The following DDX21 variants were observed in gnomAD, a reference collection of about 807,000 sequenced individuals.
DDX21 encodes nucleolar RNA helicase 2.
A neutral mutation model predicts 90.0 loss-of-function variants in DDX21; 18 were observed. That is an observed-to-expected ratio of 0.20 (90% CI 0.14 to 0.30). The LOEUF is 0.30. DDX21 is among the 10% of genes least tolerant of loss of function. The pLI is 1.00. For missense variants in DDX21, 673 were observed against 944.5 expected (o/e 0.71, Z 3.77); for synonymous variants, 294 against 318.0 (o/e 0.92, Z 0.80).
intron 11 of DDX21, among the ~76,000 whole-genome samples, chr10:68,976,290 TA>T (rs1843099797): frequency 6.9e-6 from 1 of 145,432 alleles, no homozygotes; most frequent in Non-Finnish European, 1.5e-5. Context: ...AGGATGAGTG[TA>T]TTTTTTTTTT....
intron 4 of DDX21, among the ~76,000 whole-genome samples, chr10:68,964,458 G>A (rs71478872): frequency 1.3e-5 from 2 of 152,114 alleles, no homozygotes; most frequent in Non-Finnish European, 2.9e-5. Flanking sequence ...ACCTGTAGCA[G>A]TTCAAGCAAT....
rs1356892518 is a variant in DDX21 at position 68,967,105 on chromosome 10, C to G, written c.992C>G (p.Thr331Ser). 2 of 1,611,992 alleles carry G rather than the reference C, an allele frequency of 1.2e-6. No individual in the cohort carries two copies. The highest frequency in any genetic ancestry group is 2.2e-5 in the South Asian group (2 of 90,928). Residue 331 changes from threonine to serine, a missense_variant, in exon 6 of 15, where the codon ACC becomes AGC. Transcript: ENST00000354185. Reference sequence around the variant, plus strand: ...ATACAGAATGGCAAACTAGATCTCACCAAACTTAAGCATGTTGTCCTGGAT... The same window carrying G: ...ATACAGAATGGCAAACTAGATCTCAGCAAACTTAAGCATGTTGTCCTGGAT... ...DHIQNGKLDL[T>S]KLKHVVLDEV...
At position 68,973,624 on chromosome 10, in the gene DDX21, A is replaced by C. The variant is rs1375433778; in HGVS notation, c.1628A>C (p.His543Pro). 6.2e-7 allele frequency: 1 copy of C among 1,614,188 alleles called. No homozygotes were observed. Among genetic ancestry groups the C allele is most frequent in the African/African-American group, 1.3e-5 (1 of 75,060 alleles). ...GGGGTGTGCATCTGCTTTTATCAGC[A>C]CAAGGAAGAATATCAGTTAGTACAA... Reference protein sequence around the residue: ...RTGVCICFYQHKEEYQLVQVE... With the variant: ...RTGVCICFYQPKEEYQLVQVE... Residue 543 changes from histidine (H) to proline (P), a missense_variant, in exon 10 of 15, where the codon CAC becomes CCC. Around this residue, in one of 4 missense-constraint regions of DDX21, gnomAD observed 225 missense variants for 298.8 expected, o/e 0.75. Coordinates refer to ENST00000354185, the MANE Select transcript of DDX21 (RefSeq NM_004728.4).
intron 8 of DDX21, among the ~76,000 whole-genome samples, chr10:68,970,955 ATTTTTTTTTTTTTTTTT>A (rs56314802): frequency 2.8e-5 from 2 of 72,520 alleles, no homozygotes; most frequent in African/African-American, 9.9e-5. Flanking sequence ...GCCCAGCCTA[ATTTTTTTTTTTTTTTTT>A]TTTTTTTTTT....
chr10:68,967,422 C>T (rs1842954633), intron 6 of DDX21, among the ~76,000 whole-genome samples: 1 of 151,840 alleles, frequency 6.6e-6, no homozygotes, highest in Admixed American at 6.6e-5. Context: ...GACTGCCTCA[C>T]CCTCCCAAAG....
At chr10:68,974,585 T>C in intron 10 of DDX21, 85 bp from the exon 11 acceptor site, 1 of 1,044,130 alleles carries the variant, frequency 9.6e-7, no homozygotes, top group Non-Finnish European at 1.5e-6. Context: ...ACATTTGGCC[T>C]ATATTAAAAA....
intron 13 of DDX21, among the ~76,000 whole-genome samples, chr10:68,980,030 C>T (rs957003039): frequency 2.0e-5 from 3 of 152,062 alleles, no homozygotes; most frequent in Non-Finnish European, 4.4e-5. Context: ...CACCTGAGGT[C>T]GGGAGTTTGA....
At chr10:68,970,444 T>G in intron 8 of DDX21, 94 bp downstream of exon 8, 1 of 1,249,740 alleles carries the variant, frequency 8.0e-7, no homozygotes, top group Non-Finnish European at 1.1e-6. Flanking sequence ...ATTCATTCAG[T>G]GAATACCAGT....
At chr10:68,960,502 C>T (rs940024062) in intron 2 of DDX21, among the ~76,000 whole-genome samples, 1 of 152,052 alleles carries the variant, frequency 6.6e-6, no homozygotes, top group African/African-American at 2.4e-5. Context: ...CGCTCTGTCA[C>T]CTAGGCTGGA....
In DDX21 at chr10:68,963,340, T is replaced by C; in HGVS notation, c.657T>C (p.His219=). The change falls in exon 4 of 15, where the codon CAT becomes CAC. Residue 219 remains histidine (H), a synonymous_variant. Coordinates refer to ENST00000354185, the MANE Select transcript of DDX21 (RefSeq NM_004728.4). ...LFPIQAKTFH[H]VYSGKDLIAQ... ...CTATACAAGCAAAGACATTCCATCA[T>C]GTTTACAGCGGGAAGGACTTAATTG... is the stretch of plus-strand genomic sequence containing the variant. 1 of 1,614,132 alleles carries C rather than the reference T, an allele frequency of 6.2e-7. No individual in the cohort carries two copies. Among genetic ancestry groups the C allele is most frequent in the East Asian group, 2.2e-5 (1 of 44,888 alleles).
intron 11 of DDX21, among the ~76,000 whole-genome samples, chr10:68,977,246 A>C (rs1374443728): frequency 1.3e-5 from 2 of 152,194 alleles, no homozygotes; most frequent in Non-Finnish European, 2.9e-5. Flanking sequence ...GCACATTTTA[A>C]AATTGTTTGT....
At chr10:68,966,930 T>A in intron 5 of DDX21, 88 bp from the exon 6 acceptor site, 1 of 1,081,274 alleles carries the variant, frequency 9.2e-7, no homozygotes, top group African/African-American at 1.6e-5. Flanking sequence ...ACAAATATTT[T>A]AGAGTAACAA....
At chr10:68,968,643 C>CAA (rs1842975704) in intron 6 of DDX21, among the ~76,000 whole-genome samples, 1 of 152,138 alleles carries the variant, frequency 6.6e-6, no homozygotes, top group African/African-American at 2.4e-5. Flanking sequence ...TAGCTGGACT[C>CAA]AATGATTGGA....
In DDX21 at chr10:68,968,961, TC is replaced by T. The variant is rs1466393532; in HGVS notation, c.1091-10del. On this transcript the variant is annotated splice_polypyrimidine_tract_variant and intron_variant, in intron 6 of 14. Transcript: ENST00000354185. Reference sequence around the variant, plus strand: ...GGATTATTCATACTGACTTTTTTTTTCCCCCTCCTCAAAGATTCTGAAGACA... The same window carrying T: ...GGATTATTCATACTGACTTTTTTTTTCCCCTCCTCAAAGATTCTGAAGACA... The T allele has an allele frequency of 6.2e-7, 1 of 1,611,072 alleles. No homozygotes were observed.
intron 11 of DDX21, among the ~76,000 whole-genome samples, chr10:68,975,054 C>T (rs1036061657): frequency 6.6e-6 from 1 of 152,154 alleles, no homozygotes; most frequent in Non-Finnish European, 1.5e-5. Flanking sequence ...CTCGTTTCTA[C>T]TCATTCCTGT....
intron 14 of DDX21, 139 bp downstream of exon 14, chr10:68,981,720 T>C: frequency 1.3e-6 from 1 of 774,648 alleles, no homozygotes; most frequent in Non-Finnish European, 2.0e-6. Context: ...TTTTGGAATA[T>C]TCCCCCCTAA....
In DDX21 at chr10:68,956,217, G is replaced by T. The variant is rs372263421; in HGVS notation, c.-9G>T. On this transcript the variant is annotated 5_prime_UTR_variant, in exon 1 of 15. Coordinates refer to ENST00000354185, the MANE Select transcript of DDX21 (RefSeq NM_004728.4). ...GAAGACCGGTCGGCCTGGGCAACCT[G>T]CGCTGAAGATGCCGGGAAAACTCCG... 6.1e-5 allele frequency: 98 copies of T among 1,613,776 alleles called. No individual in the cohort carries two copies. Among genetic ancestry groups the T allele is most frequent in the Non-Finnish European group, 7.7e-5 (91 of 1,179,898 alleles).
chr10:68,962,552 G>T (rs543972409), intron 3 of DDX21, among the ~76,000 whole-genome samples: 5 of 152,124 alleles, frequency 3.3e-5, no homozygotes, highest in African/African-American at 9.7e-5. Flanking sequence ...GGAGTTCAAG[G>T]CTTCAGTGAA....
At chr10:68,979,005 G>A in intron 13 of DDX21, 29 bp downstream of exon 13, 1 of 1,613,354 alleles carries the variant, frequency 6.2e-7, no homozygotes, top group East Asian at 2.2e-5. Flanking sequence ...TTGTAACCTT[G>A]ATGGGGCTTT....
Sources: gnomAD v4.1 joint callset for allele counts (sites outside exome capture counted in the v4.1 genomes callset) on GRCh38, gnomAD v4.1.1 for gene constraint, gnomAD v4.1.1 regional missense constraint, MANE v1.5 for transcripts, NCBI Gene and HGNC (gene_info 2026-07-23, HGNC 2026-07-21) for gene names.